Variants in DSE observed in about 807,000 individuals in gnomAD.
The protein encoded by DSE is dermatan sulfate epimerase, also known as dermatan-sulfate epimerase.
A neutral mutation model predicts 84.4 loss-of-function variants in DSE; 36 were observed. The ratio of observed to expected loss-of-function variants is 0.43; its 90% CI spans 0.33 to 0.56. The LOEUF (loss-of-function observed/expected upper bound fraction) is 0.56, where lower values mean the gene tolerates loss of function less well. Among genes scored for constraint, DSE ranks in the 20% least tolerant of loss-of-function variants. The probability of loss-of-function intolerance (pLI) is 0.06; values close to 1 mark genes in which losing one functional copy is unlikely to be tolerated. For synonymous variants in DSE, 410 were observed against 430.1 expected, an observed-to-expected ratio of 0.95 and a Z score of 0.58; for missense variants, 862 against 1,169.6, an observed-to-expected ratio of 0.74 and a Z score of 3.84.
intron 2 of DSE, among the ~76,000 whole-genome samples, chr6:116,328,172 T>G (rs1776737076): frequency 1.3e-5 from 2 of 152,206 alleles, no homozygotes; most frequent in Admixed American, 1.3e-4. Flanking sequence ...TCAACCAAAT[T>G]TGTCAATGAA....
chr6:116,399,764 T>G lies in DSE; in HGVS notation c.416+98T>G, dbSNP rs556212076. ...GTGGCCAGATCTTCATGTACCTCTT[T>G]GTGTATGTGTGTGGGGGGAGGTGTT... On this transcript the variant is annotated intron_variant, in intron 2 of 5. Transcript: ENST00000644252. 3 of 1,148,006 alleles carry G rather than the reference T, an allele frequency of 2.6e-6. No individual in the cohort carries two copies. In the African/African-American group the frequency reaches 4.6e-5, roughly 18 times the overall value. The allele number at this position is 1,148,006 out of a possible 1,614,324, so 71.1% of individuals were successfully genotyped here. A position where few individuals can be genotyped will look rare whatever the true frequency, so the allele number is the denominator to read the frequency against.
chr6:116,305,996 T>A (rs975724198), intron 2 of DSE, among the ~76,000 whole-genome samples: 1 of 152,186 alleles, frequency 6.6e-6, no homozygotes, highest in Non-Finnish European at 1.5e-5. Flanking sequence ...GATAAAGGGA[T>A]TAATGTGTGA....
chr6:116,274,431 C>T (rs190310629), intron 2 of DSE, among the ~76,000 whole-genome samples: 5 of 151,986 alleles, frequency 3.3e-5, no homozygotes, highest in Admixed American at 6.5e-5. Flanking sequence ...GGCGTGGTGG[C>T]GCATGCCTAT....
chr6:116,259,116 C>A lies in DSE; in HGVS notation c.-54+149C>A. ...GTGCTGCTGTCTCCCACTCAGTCAT[C>A]GTGAGAACACAGCCTGAGTGTCTCT... On this transcript the variant is annotated intron_variant, in intron 2 of 3. Coordinates refer to the DSE transcript ENST00000430252. The A allele has an allele frequency of 2.9e-6, 4 of 1,401,624 alleles. No individual in the cohort carries two copies. The African/African-American group carries it at 4.2e-5, about 15-fold the overall frequency. 86.8% of individuals were successfully genotyped at this position (1,401,624 alleles called of 1,614,324 possible).
intron 2 of DSE, among the ~76,000 whole-genome samples, chr6:116,404,988 T>TG (rs998240207): frequency 4.0e-5 from 6 of 148,832 alleles, no homozygotes; most frequent in African/African-American, 1.5e-4. Flanking sequence ...GTAATTGTGT[T>TG]TTTTTTTTTT....
At chr6:116,308,179 C>T (rs767643661) in intron 2 of DSE, among the ~76,000 whole-genome samples, 2 of 152,164 alleles carry the variant, frequency 1.3e-5, no homozygotes, top group Non-Finnish European at 2.9e-5. Flanking sequence ...TATTAGACAA[C>T]CTGGTTGCTT....
intron 2 of DSE, among the ~76,000 whole-genome samples, chr6:116,292,184 CA>C (rs1450508967): frequency 6.6e-6 from 1 of 151,864 alleles, no homozygotes; most frequent in African/African-American, 2.4e-5. Flanking sequence ...AAAGGAAGGC[CA>C]AAAATAGAGC....
At chr6:116,320,561 A>G (rs960613816) in intron 2 of DSE, among the ~76,000 whole-genome samples, 4 of 152,164 alleles carry the variant, frequency 2.6e-5, no homozygotes, top group South Asian at 2.1e-4. Flanking sequence ...TTGCGCTGCC[A>G]TAACAAAATA....
chr6:116,418,181 A>C (rs2115041139), intron 2 of DSE, among the ~76,000 whole-genome samples: 1 of 152,268 alleles, frequency 6.6e-6, no homozygotes, highest in East Asian at 1.9e-4. Flanking sequence ...AGGAACAAAC[A>C]AAATTTTTCT....
intron 4 of DSE, 95 bp downstream of exon 4, chr6:116,431,288 T>TA: frequency 1.4e-6 from 2 of 1,475,844 alleles, no homozygotes; most frequent in South Asian, 1.4e-5. Context: ...ATTAGGTCCT[T>TA]AGAGTTTGTC....
chr6:116,427,634 A>T (rs1043988854), intron 3 of DSE, among the ~76,000 whole-genome samples: 1 of 152,216 alleles, frequency 6.6e-6, no homozygotes, highest in African/African-American at 2.4e-5. Context: ...TCTTAGAGGA[A>T]AAGAAACTAA....
intron 1 of DSE, among the ~76,000 whole-genome samples, chr6:116,373,656 C>T (rs1361907803): frequency 1.3e-5 from 2 of 152,224 alleles, no homozygotes; most frequent in Non-Finnish European, 2.9e-5. Context: ...CAATATCTCG[C>T]AGTGCTGCCC....
At chr6:116,356,214 T>C (rs1274313268) in intron 2 of DSE, among the ~76,000 whole-genome samples, 1 of 152,232 alleles carries the variant, frequency 6.6e-6, no homozygotes, top group African/African-American at 2.4e-5. Context: ...CCAGTAATTT[T>C]GGTAAATAGT....
At chr6:116,309,366 G>T (rs1480558806) in intron 2 of DSE, among the ~76,000 whole-genome samples, 3 of 152,048 alleles carry the variant, frequency 2.0e-5, no homozygotes, top group Admixed American at 2.0e-4. Context: ...AATGAAGAAG[G>T]TCAATTGCCT....
rs1479296662 is a variant in DSE at position 116,444,496 on chromosome 6, A to C, written c.*7151A>C. 1 of 152,200 alleles carries C rather than the reference A, an allele frequency of 6.6e-6. No homozygotes were observed. Among genetic ancestry groups the C allele is most frequent in the Non-Finnish European group, 1.5e-5 (1 of 68,024 alleles). 9.4% of individuals were successfully genotyped at this position (152,200 alleles called of 1,614,324 possible). On this transcript the variant is annotated 3_prime_UTR_variant, in exon 6 of 6. Coordinates refer to ENST00000644252, the MANE Select transcript of DSE (RefSeq NM_013352.4). ...AAATAAATTGGTGGATTAATGACTG[A>C]ATGGAGTACAGAAGACTGTGGTCCC...
At chr6:116,431,214 T>G in intron 4 of DSE, 21 bp downstream of exon 4, 1 of 1,612,048 alleles carries the variant, frequency 6.2e-7, no homozygotes, top group Non-Finnish European at 8.5e-7. Context: ...GAGTCAGAAG[T>G]GTGAAAACAT....
chr6:116,375,946 G>A (rs1779897732), intron 1 of DSE, among the ~76,000 whole-genome samples: 1 of 152,120 alleles, frequency 6.6e-6, no homozygotes, highest in Non-Finnish European at 1.5e-5. Context: ...TCATTTTCAA[G>A]TCATTAGTGG....
At chr6:116,372,040 T>G (rs1289564229) in intron 1 of DSE, among the ~76,000 whole-genome samples, 2 of 152,236 alleles carry the variant, frequency 1.3e-5, no homozygotes, top group African/African-American at 2.4e-5. Context: ...TTTTTAAAAA[T>G]TTTTTCGTTG....
chr6:116,347,824 C>A (rs918799145), intron 2 of DSE, among the ~76,000 whole-genome samples: 2 of 152,176 alleles, frequency 1.3e-5, no homozygotes, highest in Non-Finnish European at 2.9e-5. Context: ...AGCTTCTGCA[C>A]AGCAAAAGAA....
Sources: allele counts gnomAD v4.1 joint callset (sites outside exome capture counted in the v4.1 genomes callset), GRCh38; gene constraint gnomAD v4.1.1; transcripts MANE v1.5; gene names NCBI Gene and HGNC (gene_info 2026-07-23, HGNC 2026-07-21).